SAE1: variants seen among roughly 807,000 people sequenced by gnomAD.
SAE1 encodes the protein SUMO1 activating enzyme subunit 1.
Under a neutral mutation model 40.6 loss-of-function variants are expected in SAE1, and 11 were observed. The ratio of observed to expected loss-of-function variants is 0.27; its 90% CI spans 0.17 to 0.45. The LOEUF (loss-of-function observed/expected upper bound fraction) is 0.45. Ranked by LOEUF, SAE1 falls within the 20% of genes least tolerant of loss-of-function variation. The pLI is 1.00. For missense variants in SAE1, 373 were observed against 427.3 expected (o/e 0.87, Z 1.12); for synonymous variants, 155 against 154.3 (o/e 1.00, Z -0.03).
At chr19:47,167,631 T>A (rs538484190) in intron 5 of SAE1, among the ~76,000 whole-genome samples, 1 of 152,268 alleles carries the variant, frequency 6.6e-6, no homozygotes, top group South Asian at 2.1e-4. Context: ...TTCACTTAGC[T>A]TCCCAAATTA....
At chr19:47,157,807 C>G (rs555442968) in intron 5 of SAE1, among the ~76,000 whole-genome samples, 1 of 152,254 alleles carries the variant, frequency 6.6e-6, no homozygotes. Flanking sequence ...ACCCCAAGCC[C>G]TTAAGGTTAC....
In SAE1 at chr19:47,197,213, C is replaced by G; in HGVS notation, c.734-20C>G. The G allele has an allele frequency of 6.3e-7, 1 of 1,581,988 alleles. No individual in the cohort carries two copies. Among genetic ancestry groups the G allele is most frequent in the Non-Finnish European group, 8.5e-7 (1 of 1,169,622 alleles). Reference sequence around the variant, plus strand: ...AAAAAAAAGTGGCTTTATAACCTGCCTTCTTTTTCTTATTCCCAGTGCTCT... The same window carrying G: ...AAAAAAAAGTGGCTTTATAACCTGCGTTCTTTTTCTTATTCCCAGTGCTCT... On this transcript the variant is annotated intron_variant, in intron 6 of 8. Coordinates refer to ENST00000270225, the MANE Select transcript of SAE1 (RefSeq NM_005500.3).
At chr19:47,140,908 G>T (rs1360103815) in intron 1 of SAE1, among the ~76,000 whole-genome samples, 4 of 151,968 alleles carry the variant, frequency 2.6e-5, no homozygotes, top group African/African-American at 7.2e-5. Context: ...GAGTGCAGCG[G>T]CACAGTCTTG....
chr19:47,140,412 C>T (rs904407676), intron 1 of SAE1, among the ~76,000 whole-genome samples: 4 of 151,896 alleles, frequency 2.6e-5, no homozygotes, highest in East Asian at 1.9e-4. Context: ...AGCCCACGCC[C>T]GGCTAATTTT....
intron 5 of SAE1, among the ~76,000 whole-genome samples, chr19:47,164,907 C>T (rs995031345): frequency 6.6e-6 from 1 of 151,832 alleles, no homozygotes; most frequent in Non-Finnish European, 1.5e-5. Context: ...CTGCCTCAGC[C>T]TCCCAAAGTG....
At chr19:47,188,087 G>A (rs2058555298) in intron 6 of SAE1, among the ~76,000 whole-genome samples, 1 of 151,954 alleles carries the variant, frequency 6.6e-6, no homozygotes, top group South Asian at 2.1e-4. Context: ...GGTGGCTCAC[G>A]CCTGTAATCC....
At chr19:47,161,264 G>C (rs757916303) in intron 5 of SAE1, among the ~76,000 whole-genome samples, 4 of 151,030 alleles carry the variant, frequency 2.6e-5, no homozygotes. Context: ...TCTTGCCTTG[G>C]CCTCTCAAAG....
intron 5 of SAE1, among the ~76,000 whole-genome samples, chr19:47,161,339 C>A (rs1288848121): frequency 6.6e-6 from 1 of 152,064 alleles, no homozygotes; most frequent in Non-Finnish European, 1.5e-5. Flanking sequence ...ACATTTAATG[C>A]ACAAAAGAAG....
In SAE1 at chr19:47,197,361, C is replaced by G. The variant is rs141252780; in HGVS notation, c.862C>G (p.Pro288Ala). 1.2e-6 allele frequency: 2 copies of G among 1,612,836 alleles called. No homozygotes were observed. Among genetic ancestry groups the G allele is most frequent in the Non-Finnish European group, 1.7e-6 (2 of 1,179,584 alleles). ...DSLGISPDLL[P>A]EDFVRYCFSE... ...ACTGGGTATTAGTCCTGACCTGCTT[C>G]CTGAGGACTTTGTCAGGTTGGTGTC... Residue 288 changes from proline (P) to alanine (A), a missense_variant, in exon 7 of 9, where the codon CCT (proline) becomes GCT (alanine). This residue lies in a region of SAE1 where 351 missense variants were observed against 390.6 expected (regional missense o/e 0.90). Transcript: ENST00000270225.
At position 47,197,229 on chromosome 19, in the gene SAE1, C is replaced by T. The variant is rs1451325172; in HGVS notation, c.734-4C>T. On this transcript the variant is annotated splice_polypyrimidine_tract_variant and splice_region_variant and intron_variant, in intron 6 of 8. Transcript: ENST00000270225. The stretch of plus-strand genomic sequence containing the variant: ...ATAACCTGCCTTCTTTTTCTTATTC[C>T]CAGTGCTCTTAAAGTTCCGTACAGA... 2 of 1,594,000 alleles carry T rather than the reference C, an allele frequency of 1.3e-6. No individual in the cohort carries two copies. The highest frequency in any genetic ancestry group is 1.2e-5 in the South Asian group (1 of 86,240).
At chr19:47,182,514 C>CGT (rs1568603212) in intron 6 of SAE1, among the ~76,000 whole-genome samples, 3 of 151,312 alleles carry the variant, frequency 2.0e-5, no homozygotes, top group African/African-American at 7.3e-5. Flanking sequence ...CGCACGCGCG[C>CGT]GCGCACACCA....
At chr19:47,132,264 G>GTT (rs573334320) in intron 1 of SAE1, among the ~76,000 whole-genome samples, 8 of 140,636 alleles carry the variant, frequency 5.7e-5, no homozygotes, top group Admixed American at 2.9e-4. Context: ...TGCCCAGCTT[G>GTT]TTTTTTTTTT....
At chr19:47,152,805 C>A in intron 3 of SAE1, 93 bp from the exon 4 acceptor site, 1 of 1,268,318 alleles carries the variant, frequency 7.9e-7, no homozygotes, top group Non-Finnish European at 1.1e-6. Flanking sequence ...TGAGCATGCC[C>A]AGAGAGACTG....
intron 6 of SAE1, among the ~76,000 whole-genome samples, chr19:47,175,035 T>G (rs1278678926): frequency 2.6e-5 from 4 of 151,622 alleles, no homozygotes; most frequent in Non-Finnish European, 4.4e-5. Flanking sequence ...TCACATATTG[T>G]GTAGCATCAG....
intron 2 of SAE1, among the ~76,000 whole-genome samples, chr19:47,147,487 T>TC (rs2058261737): frequency 6.6e-6 from 1 of 151,742 alleles, no homozygotes; most frequent in Admixed American, 6.6e-5. Context: ...GGAGTCTCAC[T>TC]TGTCGCCCAG....
chr19:47,168,921 A>G lies in SAE1; in HGVS notation c.628-897A>G, dbSNP rs904584104. ...GCCTGGACTTGTAAATGGTATTTCA[A>G]AGTAAAATATATGTCATTGCATTTA... is the stretch of plus-strand genomic sequence containing the variant. On this transcript the variant is annotated intron_variant, in intron 5 of 8. Coordinates refer to ENST00000270225, the MANE Select transcript of SAE1 (RefSeq NM_005500.3). Among the ~76,000 whole-genome samples, 4 of 152,144 alleles carry G rather than the reference A, an allele frequency of 2.6e-5. No homozygotes were observed. The South Asian group carries it at 8.3e-4, about 31-fold the overall frequency.
chr19:47,153,443 G>A (rs1032650419), intron 4 of SAE1, among the ~76,000 whole-genome samples: 2 of 152,182 alleles, frequency 1.3e-5, no homozygotes, highest in Admixed American at 1.3e-4. Context: ...GACAGGACTT[G>A]CCGTGTTTTG....
At position 47,196,367 on chromosome 19, in the gene SAE1, T is replaced by TA. The variant is rs2058615919; in HGVS notation, c.734-864dup. ...TTTTTTTTTTTTTTTTTTTTTTTTT[T>TA]AATTTTACTTTTTTGAGACGGAGTC... On this transcript the variant is annotated intron_variant, in intron 6 of 8. Transcript: ENST00000270225. Among the ~76,000 whole-genome samples, 93 of 97,068 alleles carry TA rather than the reference T, an allele frequency of 9.6e-4. 2 individuals carry two copies. The highest frequency in any genetic ancestry group is 3.8e-3 in the African/African-American group (90 of 23,596). The allele number at this position is 97,068 out of a possible 152,430, so 63.7% of individuals were successfully genotyped here.
At chr19:47,139,936 CTTT>C (rs34575308) in intron 1 of SAE1, among the ~76,000 whole-genome samples, 5 of 111,566 alleles carry the variant, frequency 4.5e-5, no homozygotes, top group African/African-American at 3.6e-5. Flanking sequence ...TTGGGTATTT[CTTT>C]TTTTTTTTTT....
Sources: gnomAD v4.1 joint callset for allele counts (sites outside exome capture counted in the v4.1 genomes callset) on GRCh38, gnomAD v4.1.1 for gene constraint, gnomAD v4.1.1 regional missense constraint, MANE v1.5 for transcripts, NCBI Gene and HGNC (gene_info 2026-07-23, HGNC 2026-07-21) for gene names.